The following RIMS2 variants were observed in gnomAD, a reference collection of about 807,000 sequenced individuals.
RIMS2 encodes regulating synaptic membrane exocytosis protein 2.
RIMS2 carries 59 observed loss-of-function variants against 174.4 expected under a neutral mutation model. That is an observed-to-expected ratio of 0.34 (90% CI 0.27 to 0.42). The LOEUF (loss-of-function observed/expected upper bound fraction) is 0.42. Ranked by LOEUF, RIMS2 falls within the 10% of genes least tolerant of loss-of-function variation. The pLI, the probability that RIMS2 is intolerant of heterozygous loss-of-function variation, is 1.00. For missense variants in RIMS2, 1,620 were observed against 1,666.3 expected (o/e 0.97, Z 0.48); for synonymous variants, 606 against 572.5 (o/e 1.06, Z -0.84).
At chr8:103,524,677 C>A (rs1264208083) in intron 1 of RIMS2, among the ~76,000 whole-genome samples, 1 of 152,306 alleles carries the variant, frequency 6.6e-6, no homozygotes, top group East Asian at 1.9e-4. Flanking sequence ...ATGCTATGAG[C>A]CTGCACTTCT....
intron 2 of RIMS2, among the ~76,000 whole-genome samples, chr8:103,761,651 G>A (rs888080210): frequency 6.6e-6 from 1 of 152,146 alleles, no homozygotes; most frequent in Non-Finnish European, 1.5e-5. Flanking sequence ...AAGATAACAT[G>A]GAAAATGTAG....
chr8:104,130,666 T>C (rs1307568354), intron 19 of RIMS2, among the ~76,000 whole-genome samples: 1 of 152,132 alleles, frequency 6.6e-6, no homozygotes, highest in Non-Finnish European at 1.5e-5. Context: ...GTTATCTAAT[T>C]TCACATTACT....
chr8:103,582,313 G>A (rs374703286), intron 1 of RIMS2, among the ~76,000 whole-genome samples: 16 of 152,140 alleles, frequency 1.1e-4, no homozygotes, highest in East Asian at 1.9e-4. Flanking sequence ...GACCTTGGGC[G>A]AGCCTCTGAG....
intron 17 of RIMS2, among the ~76,000 whole-genome samples, chr8:104,010,653 A>G (rs1179014791): frequency 1.3e-5 from 2 of 152,166 alleles, no homozygotes; most frequent in Non-Finnish European, 2.9e-5. Context: ...AAAGAACTAT[A>G]AATAGAGATT....
At chr8:103,989,207 T>C in intron 16 of RIMS2, 98 bp from the exon 19 acceptor site, 1 of 737,354 alleles carries the variant, frequency 1.4e-6, no homozygotes. Flanking sequence ...CTTCACCATA[T>C]AGTGACTTTG....
At chr8:103,810,963 T>C (rs1275991205) in intron 3 of RIMS2, among the ~76,000 whole-genome samples, 3 of 151,358 alleles carry the variant, frequency 2.0e-5, no homozygotes, top group South Asian at 2.1e-4. Flanking sequence ...TAATATCTTA[T>C]ATAATAGCAA....
intron 19 of RIMS2, among the ~76,000 whole-genome samples, chr8:104,052,219 G>A (rs1001412358): frequency 6.6e-6 from 1 of 152,150 alleles, no homozygotes; most frequent in Non-Finnish European, 1.5e-5. Flanking sequence ...TTTGTACTAA[G>A]TTGTGTGAAT....
At chr8:103,563,647 C>T (rs528386952) in intron 1 of RIMS2, among the ~76,000 whole-genome samples, 3 of 152,300 alleles carry the variant, frequency 2.0e-5, no homozygotes, top group South Asian at 4.2e-4. Flanking sequence ...AAAGTCACTT[C>T]CACTTTTTTG....
chr8:103,754,605 G>C (rs1250181867), intron 2 of RIMS2, among the ~76,000 whole-genome samples: 1 of 152,128 alleles, frequency 6.6e-6, no homozygotes, highest in Non-Finnish European at 1.5e-5. Flanking sequence ...TTATGAATCT[G>C]GGTGATCCTG....
At chr8:103,570,025 G>T (rs1314903299) in intron 1 of RIMS2, among the ~76,000 whole-genome samples, 1 of 152,112 alleles carries the variant, frequency 6.6e-6, no homozygotes, top group Non-Finnish European at 1.5e-5. Flanking sequence ...TTGAATATTG[G>T]TCTTGTATCC....
At chr8:104,130,287 G>A (rs1418382343) in intron 19 of RIMS2, among the ~76,000 whole-genome samples, 2 of 152,210 alleles carry the variant, frequency 1.3e-5, no homozygotes, top group Non-Finnish European at 2.9e-5. Flanking sequence ...CTAGGTTCAT[G>A]TAATGATCTG....
At chr8:104,216,156 T>C (rs1357754417) in intron 19 of RIMS2, among the ~76,000 whole-genome samples, 1 of 152,232 alleles carries the variant, frequency 6.6e-6, no homozygotes, top group Admixed American at 6.5e-5. Flanking sequence ...CTAAAACTTT[T>C]TGAAGACATT....
At chr8:103,859,606 A>G (rs1259231632) in intron 3 of RIMS2, among the ~76,000 whole-genome samples, 2 of 151,970 alleles carry the variant, frequency 1.3e-5, no homozygotes, top group African/African-American at 4.8e-5. Context: ...AGCAGCCTGT[A>G]TTTCCATTTG....
At chr8:103,671,050 G>A (rs994481643) in intron 1 of RIMS2, among the ~76,000 whole-genome samples, 1 of 152,180 alleles carries the variant, frequency 6.6e-6, no homozygotes, top group African/African-American at 2.4e-5. Context: ...GCCTGGGGAT[G>A]CCTCACAATC....
At chr8:104,106,051 AAAAAAAAAAAAAAAGAG>A (rs1238091254) in intron 19 of RIMS2, among the ~76,000 whole-genome samples, 5 of 149,016 alleles carry the variant, frequency 3.4e-5, no homozygotes, top group African/African-American at 1.2e-4. Context: ...AAAAAAAAAA[AAAAAAAAAAAAAAAGAG>A]AAAGAGAAAA....
chr8:103,878,239 GT>G (rs1375487012), intron 3 of RIMS2, among the ~76,000 whole-genome samples: 4 of 151,838 alleles, frequency 2.6e-5, no homozygotes, highest in African/African-American at 4.8e-5. Flanking sequence ...ATGCAGAACT[GT>G]GAGTCAATTA....
At chr8:104,234,974 G>A (rs2099251057) in intron 19 of RIMS2, among the ~76,000 whole-genome samples, 1 of 152,142 alleles carries the variant, frequency 6.6e-6, no homozygotes, top group African/African-American at 2.4e-5. Flanking sequence ...AAAGTGGCAT[G>A]CTGAGAGATT....
At chr8:104,008,471 T>C (rs186693618) in intron 17 of RIMS2, among the ~76,000 whole-genome samples, 246 of 142,398 alleles carry the variant, frequency 1.7e-3, no homozygotes, top group Non-Finnish European at 2.7e-3. Flanking sequence ...TCAAAATATT[T>C]ACATCTTATA....
At chr8:103,929,702 C>T (rs761205479) in intron 11 of RIMS2, among the ~76,000 whole-genome samples, 3 of 151,902 alleles carry the variant, frequency 2.0e-5, no homozygotes, top group Non-Finnish European at 4.4e-5. Flanking sequence ...ATCTCATATA[C>T]AATTAAACAC....
Sources: allele counts gnomAD v4.1 joint callset (sites outside exome capture counted in the v4.1 genomes callset), GRCh38; gene constraint gnomAD v4.1.1; transcripts MANE v1.5; gene names NCBI Gene and HGNC (gene_info 2026-07-23, HGNC 2026-07-21).